Variants in TEX51 observed in about 807,000 individuals in gnomAD.
The protein encoded by TEX51 is testis expressed 51.
TEX51 carries 14 observed loss-of-function variants against 8.0 expected under a neutral mutation model. The ratio of observed to expected loss-of-function variants is 1.76; its 90% CI spans 1.16 to 2.75. The LOEUF (loss-of-function observed/expected upper bound fraction) is 2.75, where lower values mean the gene tolerates loss of function less well. Among genes scored for constraint, TEX51 ranks in the 30% most tolerant of loss-of-function variants. TEX51 has a pLI of 0.00. For missense variants in TEX51, 142 were observed against 77.4 expected (o/e 1.83, Z -3.13); for synonymous variants, 58 against 28.6 (o/e 2.03, Z -3.29).
chr2:126,901,597 C>T (rs1349989437), intron 6 of TEX51, 193 bp downstream of exon 6: 5 of 601,560 alleles, frequency 8.3e-6, no homozygotes, highest in African/African-American at 1.9e-5. Context: ...CATATTGGGG[C>T]CAGGGGCCCA....
rs1446716640 is a variant in TEX51 at position 126,901,892 on chromosome 2, C to T, written c.*23C>T. ...AGCAGGAACAGGGCAGCCCGCATGT[C>T]TTCCAGAAGTGAACAGAGGCCGCAG... On this transcript the variant is annotated 3_prime_UTR_variant, in exon 7 of 7. Transcript: ENST00000568484. 3.1e-6 allele frequency: 2 copies of T among 651,660 alleles called. No individual in the cohort carries two copies. Among genetic ancestry groups the T allele is most frequent in the South Asian group, 3.4e-5 (2 of 59,384 alleles). The allele number at this position is 651,660 out of a possible 1,614,324, so 40.4% of individuals were successfully genotyped here.
At chr2:126,899,750 C>T (rs1452942999) in intron 3 of TEX51, 138 bp downstream of exon 3, 1 of 701,470 alleles carries the variant, frequency 1.4e-6, no homozygotes, top group Non-Finnish European at 2.6e-6. Context: ...TTCCCGGCTC[C>T]ATCTCCTACT....
At position 126,902,069 on chromosome 2, in the gene TEX51, T is replaced by C. The variant is rs896199280; in HGVS notation, c.*200T>C. On this transcript the variant is annotated 3_prime_UTR_variant, in exon 7 of 7. Transcript: ENST00000568484. ...TACTCCTACACCTTTGTAAAGAGTC[T>C]CTTCATTAAAACCCCTCTTCATAGC... is the stretch of plus-strand genomic sequence containing the variant. The C allele has an allele frequency of 2.4e-5, 11 of 459,780 alleles. No homozygotes were observed. Among genetic ancestry groups the C allele is most frequent in the Middle Eastern group, 3.0e-4 (1 of 3,386 alleles). The allele number at this position is 459,780 out of a possible 1,614,324, so 28.5% of individuals were successfully genotyped here. A position where few individuals can be genotyped will look rare whatever the true frequency, so the allele number is the denominator to read the frequency against.
intron 6 of TEX51, 41 bp from the exon 7 acceptor site, chr2:126,901,831 G>A (rs1573453277): frequency 1.7e-6 from 1 of 583,766 alleles, no homozygotes; most frequent in East Asian, 3.0e-5. Context: ...AGAGTAGTGG[G>A]AGGTCAGGGT....
rs1680211560 is a variant in TEX51, at chr2:126,899,560, G to T, written c.258G>T (p.Lys86Asn). ...TVLLEEIYTH[K>N]NLFTERLNKI... ...TTCTGGAAGAGATCTACACGCACAAGAATCTCTTTACTGAGAGGCTGAATA... is the reference window on the plus strand; with the variant it reads ...TTCTGGAAGAGATCTACACGCACAATAATCTCTTTACTGAGAGGCTGAATA... Residue 86 changes from lysine to asparagine, a missense_variant, in exon 3 of 7, where the codon AAG becomes AAT. Coordinates refer to ENST00000568484, the MANE Select transcript of TEX51 (RefSeq NM_001322244.2). 2.8e-6 allele frequency: 2 copies of T among 702,100 alleles called. No individual in the cohort carries two copies. The highest frequency in any genetic ancestry group is 3.5e-5 in the African/African-American group (2 of 57,220). The allele number at this position is 702,100 out of a possible 1,614,324, so 43.5% of individuals were successfully genotyped here. A position where few individuals can be genotyped will look rare whatever the true frequency, so the allele number is the denominator to read the frequency against.
Position 126,899,598 on chromosome 2 carries a change from G to A in TEX51, c.296G>A (p.Gly99Glu), listed in dbSNP as rs1385566228. The A allele has an allele frequency of 1.4e-6, 1 of 701,966 alleles. No individual in the cohort carries two copies. Among genetic ancestry groups the A allele is most frequent in the Non-Finnish European group, 2.6e-6 (1 of 384,718 alleles). 43.5% of individuals were successfully genotyped at this position (701,966 alleles called of 1,614,324 possible). The change falls in exon 3 of 7, where the codon GGG becomes GAG. Residue 99 changes from glycine (G) to glutamate (E), a missense_variant. Transcript: ENST00000568484. The stretch of plus-strand genomic sequence containing the variant: ...GAGAGGCTGAATAAGATATCTGATG[G>A]GCTGAAGGAGAAGGGTAAGGGGTGG... ...FTERLNKISD[G>E]LKEKDIQSTL...
chr2:126,901,274 TG>T lies in TEX51; in HGVS notation c.461del (p.Gly154GlufsTer63). ...LSSALLLAIAGDVSFTGKGRR... is the reference protein window; with the variant it reads ...LSSALLLAIAXDVSFTGKGRR... ...GCAGTGCTCTACTCCTGGCCATAGCTGGAGGTGGGTGAGTGACCTCTCCAAG... is the reference window on the plus strand; with the variant it reads ...GCAGTGCTCTACTCCTGGCCATAGCTGAGGTGGGTGAGTGACCTCTCCAAG... On this transcript the variant is annotated frameshift_variant, in exon 5 of 7. Coordinates refer to ENST00000568484, the MANE Select transcript of TEX51 (RefSeq NM_001322244.2). LOFTEE classifies it high-confidence loss of function. 2.9e-6 allele frequency: 2 copies of T among 699,506 alleles called. No individual in the cohort carries two copies. Among genetic ancestry groups the T allele is most frequent in the Non-Finnish European group, 5.2e-6 (2 of 383,090 alleles). 43.3% of individuals were successfully genotyped at this position (699,506 alleles called of 1,614,324 possible).
rs933118708 is a variant in TEX51 at position 126,898,928 on chromosome 2, C to T, written c.10C>T (p.Leu4Phe). ...AGGAGGAACCCAGAAGATGCTGCCT[C>T]TCCTGATCATCTGTCTCCTGCCTGC... MLP[L>F]LIICLLPAIE... is the part of the protein sequence containing the mutation. The change falls in exon 1 of 7, where the codon CTC becomes TTC. Residue 4 changes from leucine to phenylalanine, a missense_variant. Physicochemically the swap from Leu to Phe is conservative, Grantham distance 22. Transcript: ENST00000568484. 5.7e-6 allele frequency: 4 copies of T among 700,186 alleles called. No homozygotes were observed. The highest frequency in any genetic ancestry group is 2.7e-5 in the East Asian group (1 of 37,272). The allele number at this position is 700,186 out of a possible 1,614,324, so 43.4% of individuals were successfully genotyped here.
intron 3 of TEX51, 80 bp from the exon 4 acceptor site, chr2:126,899,856 G>T (rs865975394): frequency 1.4e-6 from 1 of 702,254 alleles, no homozygotes. Flanking sequence ...GTCCTGTGGT[G>T]AGTATGCATG....
rs1049365296 is a variant in TEX51, at chr2:126,899,389, T to C, written c.220+98T>C. The C allele has an allele frequency of 7.3e-6, 5 of 689,460 alleles. No homozygotes were observed. The African/African-American group carries it at 8.9e-5, about 12-fold the overall frequency. 42.7% of individuals were successfully genotyped at this position (689,460 alleles called of 1,614,324 possible). A position where few individuals can be genotyped will look rare whatever the true frequency, so the allele number is the denominator to read the frequency against. On this transcript the variant is annotated intron_variant, in intron 2 of 6. Transcript: ENST00000568484. The stretch of plus-strand genomic sequence containing the variant: ...GGCCCATGTGGCCATGGGTGGGAGG[T>C]CTTGTGAAGGTGGGAGATGAATGCA...
Position 126,899,110 on chromosome 2 carries a change from G to C in TEX51, c.145+47G>C, listed in dbSNP as rs1355121242. The C allele has an allele frequency of 4.3e-6, 3 of 701,136 alleles. No homozygotes were observed. The South Asian group carries it at 4.4e-5, about 10-fold the overall frequency. The allele number at this position is 701,136 out of a possible 1,614,324, so 43.4% of individuals were successfully genotyped here. ...AGGATAATAATTTTCTCAAACCCTG[G>C]TACCTTGGTGAGGCACAGCCAGGAG... On this transcript the variant is annotated intron_variant, in intron 1 of 6. Coordinates refer to ENST00000568484, the MANE Select transcript of TEX51 (RefSeq NM_001322244.2).
chr2:126,900,537 C>G (rs1002934704), intron 4 of TEX51, among the ~76,000 whole-genome samples: 2 of 152,156 alleles, frequency 1.3e-5, no homozygotes, highest in African/African-American at 4.8e-5. Flanking sequence ...GAATCTCCCT[C>G]CACTTAGCAC....
chr2:126,902,004 G>A lies in TEX51; in HGVS notation c.*135G>A, dbSNP rs1434980521. On this transcript the variant is annotated 3_prime_UTR_variant, in exon 7 of 7. Coordinates refer to ENST00000568484, the MANE Select transcript of TEX51 (RefSeq NM_001322244.2). ...CCATCCTGGGTCCTGGGGCCCCAAA[G>A]CTCTGAGGCCTAGGAGACTGCGCTG... 2 of 570,170 alleles carry A rather than the reference G, an allele frequency of 3.5e-6. No homozygotes were observed. The highest frequency in any genetic ancestry group is 3.2e-5 in the East Asian group (1 of 31,214). 35.3% of individuals were successfully genotyped at this position (570,170 alleles called of 1,614,324 possible).
At position 126,899,014 on chromosome 2, in the gene TEX51, C is replaced by G. The variant is rs1053500743; in HGVS notation, c.96C>G (p.Asp32Glu). 2.0e-5 allele frequency: 14 copies of G among 702,180 alleles called. No individual in the cohort carries two copies. In the African/African-American group the frequency reaches 2.3e-4, roughly 11 times the overall value. 43.5% of individuals were successfully genotyped at this position (702,180 alleles called of 1,614,324 possible). ...WPELSALIDY[D>E]LQILWVTPGP... ...AACTGTCTGCCTTGATAGACTATGA[C>G]CTGCAGATCCTCTGGGTGACCCCAG... Residue 32 changes from aspartate (D) to glutamate (E), a missense_variant, in exon 1 of 7, where the codon GAC becomes GAG. Coordinates refer to ENST00000568484, the MANE Select transcript of TEX51 (RefSeq NM_001322244.2).
At chr2:126,901,640 A>G in intron 6 of TEX51, 1 of 599,502 alleles carries the variant, frequency 1.7e-6, no homozygotes, top group Non-Finnish European at 3.0e-6. Flanking sequence ...CAGGCCTCCC[A>G]TCCTCACTAC....
chr2:126,899,415 G>T (rs889469026), intron 2 of TEX51, 108 bp from the exon 3 acceptor site: 15 of 681,820 alleles, frequency 2.2e-5, no homozygotes, highest in African/African-American at 1.4e-4. Context: ...GATGAATGCA[G>T]TCTGTCTCCG....
At position 126,901,869 on chromosome 2, in the gene TEX51, C is replaced by A; in HGVS notation, c.*3-3C>A. 1.7e-6 allele frequency: 1 copy of A among 605,620 alleles called. No individual in the cohort carries two copies. Among genetic ancestry groups the A allele is most frequent in the Non-Finnish European group, 3.0e-6 (1 of 338,866 alleles). The allele number at this position is 605,620 out of a possible 1,614,324, so 37.5% of individuals were successfully genotyped here. On this transcript the variant is annotated splice_polypyrimidine_tract_variant and splice_region_variant and intron_variant, in intron 6 of 6. Coordinates refer to ENST00000568484, the MANE Select transcript of TEX51 (RefSeq NM_001322244.2). ...AAATGCCCAGCTTCTTCTCCCTCAG[C>A]AGGAACAGGGCAGCCCGCATGTCTT...
rs1680334497 is a variant in TEX51, at chr2:126,901,594, G to A, written c.*2+190G>A. 6.6e-6 allele frequency: 4 copies of A among 601,858 alleles called. No homozygotes were observed. The South Asian group carries it at 8.0e-5, about 12-fold the overall frequency. The allele number at this position is 601,858 out of a possible 1,614,324, so 37.3% of individuals were successfully genotyped here. On this transcript the variant is annotated intron_variant, in intron 6 of 6. Transcript: ENST00000568484. ...AGCCTCCATATATGCAGACATATTG[G>A]GGCCAGGGGCCCAGGACACAGAAAT...
rs1201622636 is a variant in TEX51, at chr2:126,899,565, T to C, written c.263T>C (p.Leu88Pro). ...GAAGAGATCTACACGCACAAGAATC[T>C]CTTTACTGAGAGGCTGAATAAGATA... is the stretch of plus-strand genomic sequence containing the variant. ...LLEEIYTHKN[L>P]FTERLNKISD... Residue 88 changes from leucine (L) to proline (P), a missense_variant, in exon 3 of 7, where the codon CTC (leucine) becomes CCC (proline). Leu to Pro is a moderately conservative substitution (Grantham distance 98). Transcript: ENST00000568484. 2.8e-6 allele frequency: 2 copies of C among 701,990 alleles called. No homozygotes were observed. The highest frequency in any genetic ancestry group is 5.2e-6 in the Non-Finnish European group (2 of 384,770). 43.5% of individuals were successfully genotyped at this position (701,990 alleles called of 1,614,324 possible). A position where few individuals can be genotyped will look rare whatever the true frequency, so the allele number is the denominator to read the frequency against.
Sources: allele counts gnomAD v4.1 joint callset (sites outside exome capture counted in the v4.1 genomes callset), GRCh38; gene constraint gnomAD v4.1.1; transcripts MANE v1.5; gene names NCBI Gene and HGNC (gene_info 2026-07-23, HGNC 2026-07-21).